ZNF664: variants seen among roughly 807,000 people sequenced by gnomAD.
ZNF664 encodes the protein zinc finger Organ of Corti 1.
ZNF664 carries 10 observed loss-of-function variants against 18.2 expected under a neutral mutation model. The observed-to-expected ratio is 0.55, with a 90% CI of 0.34 to 0.93. The LOEUF (loss-of-function observed/expected upper bound fraction) is 0.93. ZNF664 is among the 40% of genes least tolerant of loss of function. ZNF664 has a pLI of 0.02. For missense variants in ZNF664, 193 were observed against 319.0 expected, an observed-to-expected ratio of 0.61 and a Z score of 3.01; for synonymous variants, 119 against 104.2, an observed-to-expected ratio of 1.14 and a Z score of -0.86.
chr12:123,985,060 G>A (rs532837617), intron 2 of ZNF664, among the ~76,000 whole-genome samples: 60 of 152,152 alleles, frequency 3.9e-4, no homozygotes, highest in African/African-American at 1.4e-3. Flanking sequence ...TTTGTAGTGG[G>A]GGTGGGGGTA....
chr12:123,974,461 C>T (rs980837615), intron 2 of ZNF664: 21 of 155,314 alleles, frequency 1.4e-4, no homozygotes, highest in African/African-American at 5.1e-4. Context: ...AGAGAGGGCT[C>T]CTATTTCCTT....
At chr12:123,980,584 C>A (rs1956752900) in intron 2 of ZNF664, among the ~76,000 whole-genome samples, 1 of 151,964 alleles carries the variant, frequency 6.6e-6, no homozygotes, top group Non-Finnish European at 1.5e-5. Context: ...TATTTAGTGG[C>A]AAATAACATT....
chr12:123,975,256 ATGTG>A (rs1219825059), intron 2 of ZNF664, among the ~76,000 whole-genome samples: 6 of 152,146 alleles, frequency 3.9e-5, no homozygotes, highest in African/African-American at 1.4e-4. Flanking sequence ...TTTTGACCAG[ATGTG>A]TGTGTATCAT....
intron 2 of ZNF664, among the ~76,000 whole-genome samples, chr12:123,981,509 A>G (rs527599349): frequency 6.6e-6 from 1 of 152,320 alleles, no homozygotes; most frequent in South Asian, 2.1e-4. Context: ...GTGCCGGCTC[A>G]GGGCTCTTTG....
chr12:123,998,839 G>C (rs907520373), intron 3 of ZNF664: 4 of 152,546 alleles, frequency 2.6e-5, no homozygotes, highest in African/African-American at 9.6e-5. Flanking sequence ...TGTGTGTGCA[G>C]CTCTGACCCT....
At chr12:123,985,881 A>C (rs1956818754) in intron 2 of ZNF664, among the ~76,000 whole-genome samples, 2 of 152,252 alleles carry the variant, frequency 1.3e-5, no homozygotes, top group Admixed American at 1.3e-4. Flanking sequence ...TAGCTTGTAC[A>C]AAACCATATG....
At position 124,012,987 on chromosome 12, in the gene ZNF664, C is replaced by A. The variant is rs997252853; in HGVS notation, c.*57C>A. The A allele has an allele frequency of 5.1e-6, 8 of 1,565,034 alleles. No homozygotes were observed. Among genetic ancestry groups the A allele is most frequent in the Non-Finnish European group, 6.9e-6 (8 of 1,157,114 alleles). ...CCCATAAGTGCCACTAGGAAGGAAA[C>A]CCTGTATATACCTACATTGACCCAA... On this transcript the variant is annotated 3_prime_UTR_variant, in exon 5 of 5. Coordinates refer to ENST00000337815, the MANE Select transcript of ZNF664 (RefSeq NM_152437.3).
intron 2 of ZNF664, among the ~76,000 whole-genome samples, chr12:123,977,546 T>C (rs1956710195): frequency 6.6e-6 from 1 of 150,866 alleles, no homozygotes; most frequent in African/African-American, 2.4e-5. Context: ...GGCACAACCT[T>C]ATAGAGTCAA....
rs1453636402 is a variant in ZNF664, at chr12:124,012,984, A to T, written c.*54A>T. ...AAACCCATAAGTGCCACTAGGAAGG[A>T]AACCCTGTATATACCTACATTGACC... On this transcript the variant is annotated 3_prime_UTR_variant, in exon 5 of 5. Coordinates refer to ENST00000337815, the MANE Select transcript of ZNF664 (RefSeq NM_152437.3). The T allele has an allele frequency of 6.3e-7, 1 of 1,575,002 alleles. No individual in the cohort carries two copies. Among genetic ancestry groups the T allele is most frequent in the Non-Finnish European group, 8.6e-7 (1 of 1,162,940 alleles).
intron 3 of ZNF664, among the ~76,000 whole-genome samples, chr12:123,996,882 C>T (rs770392956): frequency 1.3e-5 from 2 of 152,214 alleles, no homozygotes; most frequent in African/African-American, 2.4e-5. Context: ...CCCCCATTCA[C>T]TCTGGCTAGT....
rs200835492 is a variant in ZNF664 at position 124,012,414 on chromosome 12, C to G, written c.270C>G (p.Tyr90Ter). The G allele has an allele frequency of 1.1e-4, 181 of 1,614,036 alleles. No homozygotes were observed. Among genetic ancestry groups the G allele is most frequent in the Non-Finnish European group, 5.3e-5 (62 of 1,180,040 alleles). ...IHTVEKPYKC[Y>*]ECGKAFNWSS... The stretch of plus-strand genomic sequence containing the variant: ...CAGTGGAGAAGCCCTATAAATGTTA[C>G]GAGTGTGGCAAAGCCTTCAATTGGA... Residue 90 changes from tyrosine (Y) to a stop codon, truncating the protein, a stop_gained, in exon 5 of 5, where the codon TAC becomes TAG. Transcript: ENST00000337815. LOFTEE classifies it high-confidence loss of function.
intron 2 of ZNF664, among the ~76,000 whole-genome samples, chr12:123,987,628 G>C (rs1277213876): frequency 6.6e-6 from 1 of 152,156 alleles, no homozygotes; most frequent in African/African-American, 2.4e-5. Flanking sequence ...TCCAGTTTGT[G>C]CTTCTTCAGT....
intron 3 of ZNF664, among the ~76,000 whole-genome samples, chr12:123,991,860 C>T (rs1411607949): frequency 1.3e-5 from 2 of 152,250 alleles, no homozygotes; most frequent in Non-Finnish European, 2.9e-5. Flanking sequence ...CAGCAGAAAA[C>T]TTGGCATCAT....
chr12:123,992,580 C>T lies in ZNF664; in HGVS notation c.-661+4442C>T, dbSNP rs532786976. Among the ~76,000 whole-genome samples, 6 of 152,200 alleles carry T rather than the reference C, an allele frequency of 3.9e-5. No individual in the cohort carries two copies. In the South Asian group the frequency reaches 1.0e-3, roughly 26 times the overall value. ...AGGCTGTAGTTATTAACAGCATGTT[C>T]GGGAAATGCTGGCTGCTACTTGAGC... On this transcript the variant is annotated intron_variant, in intron 3 of 4. Transcript: ENST00000337815.
intron 2 of ZNF664, among the ~76,000 whole-genome samples, chr12:123,987,419 T>C (rs1956838441): frequency 6.6e-6 from 1 of 152,246 alleles, no homozygotes; most frequent in South Asian, 2.1e-4. Context: ...AAAATAATGA[T>C]AATGATAGCT....
At chr12:123,973,489 T>C in intron 1 of ZNF664, 137 bp downstream of exon 1, 1 of 512,018 alleles carries the variant, frequency 2.0e-6, no homozygotes, top group Non-Finnish European at 2.5e-6. Context: ...TCCCGGAGGA[T>C]GGGCCTCGGG....
chr12:123,976,206 A>G (rs771820473), intron 2 of ZNF664, among the ~76,000 whole-genome samples: 4 of 152,248 alleles, frequency 2.6e-5, no homozygotes, highest in Non-Finnish European at 5.9e-5. Flanking sequence ...GTGAAAGTTA[A>G]GAAGCACCTG....
In ZNF664 at chr12:123,973,871, CTG is replaced by C. The variant is rs1467608045; in HGVS notation, c.-891-9_-891-8del. The stretch of plus-strand genomic sequence containing the variant: ...GCGGAGGAGCCGGCTGCATGGGGTG[CTG>C]TGTGTTTTTCAGGGCGCCCTGCGTC... On this transcript the variant is annotated splice_polypyrimidine_tract_variant and intron_variant, in intron 1 of 4. Coordinates refer to ENST00000337815, the MANE Select transcript of ZNF664 (RefSeq NM_152437.3). 1 of 1,231,840 alleles carries C rather than the reference CTG, an allele frequency of 8.1e-7. No individual in the cohort carries two copies. The highest frequency in any genetic ancestry group is 4.2e-5 in the Admixed American group (1 of 23,708). 76.3% of individuals were successfully genotyped at this position (1,231,840 alleles called of 1,614,324 possible). A position where few individuals can be genotyped will look rare whatever the true frequency, so the allele number is the denominator to read the frequency against.
rs79839869 is a variant in ZNF664, at chr12:124,011,108, A to C, written c.-660-273A>C. On this transcript the variant is annotated intron_variant, in intron 3 of 4. Coordinates refer to ENST00000337815, the MANE Select transcript of ZNF664 (RefSeq NM_152437.3). ...AACACATCATGTACTTATTCTTTCT[A>C]TAGATTAGAAGGCAAGTCAAATACG... is the stretch of plus-strand genomic sequence containing the variant. Among the ~76,000 whole-genome samples the C allele has an allele frequency of 2.2e-4, 33 of 152,350 alleles. No individual in the cohort carries two copies. In the East Asian group the frequency reaches 5.4e-3, roughly 25 times the overall value.
Sources: allele counts gnomAD v4.1 joint callset (sites outside exome capture counted in the v4.1 genomes callset), GRCh38; gene constraint gnomAD v4.1.1; transcripts MANE v1.5; gene names NCBI Gene and HGNC (gene_info 2026-07-23, HGNC 2026-07-21).